Variants in CDKAL1 observed in about 807,000 individuals in gnomAD.
The protein encoded by CDKAL1 is threonylcarbamoyladenosine tRNA methylthiotransferase.
A neutral mutation model predicts 68.2 loss-of-function variants in CDKAL1; 32 were observed. That is an observed-to-expected ratio of 0.47 (90% CI 0.35 to 0.63). The LOEUF (loss-of-function observed/expected upper bound fraction) is 0.63, where lower values mean the gene tolerates loss of function less well. Ranked by LOEUF, CDKAL1 falls within the 30% of genes least tolerant of loss-of-function variation. The pLI is 0.00. For missense variants in CDKAL1, 606 were observed against 696.7 expected (o/e 0.87, Z 1.47); for synonymous variants, 234 against 244.3 (o/e 0.96, Z 0.39).
intron 9 of CDKAL1, among the ~76,000 whole-genome samples, chr6:20,911,336 C>T (rs1035191049): frequency 6.6e-6 from 1 of 152,200 alleles, no homozygotes; most frequent in African/African-American, 2.4e-5. Context: ...TACTTCTAGA[C>T]AAGAAAGATG....
At chr6:21,098,122 C>T (rs959832796) in intron 12 of CDKAL1, among the ~76,000 whole-genome samples, 17 of 152,106 alleles carry the variant, frequency 1.1e-4, no homozygotes, top group African/African-American at 3.9e-4. Context: ...GTAAATGTGT[C>T]GAATGAATAT....
chr6:20,660,317 G>T (rs1414505099), intron 5 of CDKAL1, among the ~76,000 whole-genome samples: 1 of 151,974 alleles, frequency 6.6e-6, no homozygotes, highest in Non-Finnish European at 1.5e-5. Flanking sequence ...AGCCTTTGAC[G>T]CTCTGACTCT....
intron 4 of CDKAL1, among the ~76,000 whole-genome samples, chr6:20,557,056 AAT>A (rs1764080685): frequency 1.5e-5 from 2 of 133,912 alleles, no homozygotes; most frequent in Admixed American, 7.7e-5. Context: ...AAAAAAAATA[AAT>A]AAATAAATAA....
chr6:20,708,666 A>G (rs567267718), intron 5 of CDKAL1, among the ~76,000 whole-genome samples: 15 of 152,308 alleles, frequency 9.8e-5, no homozygotes, highest in African/African-American at 3.6e-4. Flanking sequence ...TGATTCTAAT[A>G]TGACAGAATT....
At chr6:21,009,366 T>A (rs1767894856) in intron 11 of CDKAL1, among the ~76,000 whole-genome samples, 1 of 152,218 alleles carries the variant, frequency 6.6e-6, no homozygotes, top group Non-Finnish European at 1.5e-5. Context: ...CTCCTGGACA[T>A]TTAATACAAC....
chr6:20,875,453 GA>G (rs1483164755), intron 9 of CDKAL1, among the ~76,000 whole-genome samples: 17 of 150,950 alleles, frequency 1.1e-4, no homozygotes, highest in Non-Finnish European at 2.1e-4. Context: ...ATTGATAAAA[GA>G]AAAAAAATAG....
chr6:20,911,420 G>C (rs761401189), intron 9 of CDKAL1, among the ~76,000 whole-genome samples: 13 of 152,170 alleles, frequency 8.5e-5, no homozygotes, highest in African/African-American at 3.1e-4. Flanking sequence ...TTGTCTTCTT[G>C]TTGCTCTAGA....
intron 5 of CDKAL1, among the ~76,000 whole-genome samples, chr6:20,703,405 A>G (rs765556865): frequency 1.3e-5 from 2 of 152,140 alleles, no homozygotes; most frequent in Non-Finnish European, 2.9e-5. Context: ...TACATAAACA[A>G]TTTTGCTGAC....
At chr6:20,986,963 A>T (rs190724936) in intron 10 of CDKAL1, among the ~76,000 whole-genome samples, 5 of 152,334 alleles carry the variant, frequency 3.3e-5, no homozygotes, top group Admixed American at 3.3e-4. Flanking sequence ...ACAGCCATTA[A>T]GACAGCACAG....
chr6:20,862,825 G>A (rs1581720488), intron 9 of CDKAL1, among the ~76,000 whole-genome samples: 1 of 152,108 alleles, frequency 6.6e-6, no homozygotes, highest in African/African-American at 2.4e-5. Context: ...CCAGGAGTTC[G>A]AGACCAGCCT....
At chr6:20,703,611 G>A (rs1222138895) in intron 5 of CDKAL1, among the ~76,000 whole-genome samples, 1 of 152,072 alleles carries the variant, frequency 6.6e-6, no homozygotes, top group Admixed American at 6.5e-5. Context: ...ATGTTATGAT[G>A]TCTTAGGGTA....
chr6:21,064,420 G>T (rs1405758709), intron 11 of CDKAL1, among the ~76,000 whole-genome samples: 1 of 152,142 alleles, frequency 6.6e-6, no homozygotes. Context: ...AAGGGGACTG[G>T]TACATTATAC....
At chr6:20,748,778 A>G (rs1773785036) in intron 6 of CDKAL1, among the ~76,000 whole-genome samples, 1 of 151,502 alleles carries the variant, frequency 6.6e-6, no homozygotes, top group African/African-American at 2.4e-5. Flanking sequence ...GGTGTTGGGA[A>G]TGAAACTGGA....
Position 21,020,953 on chromosome 6 carries a change from G to A in CDKAL1, c.1055+20581G>A, listed in dbSNP as rs1768630052. Among the ~76,000 whole-genome samples the A allele has an allele frequency of 4.6e-5, 7 of 152,036 alleles. No individual in the cohort carries two copies. In the South Asian group the frequency reaches 1.5e-3, roughly 32 times the overall value. ...TTATGTAAGTAAGAATGAAGAGCCA[G>A]AGAAAGAATGCTAAAGCAAGTATCT... On this transcript the variant is annotated intron_variant, in intron 11 of 15. Transcript: ENST00000274695.
intron 13 of CDKAL1, among the ~76,000 whole-genome samples, chr6:21,175,260 C>T (rs751164292): frequency 1.6e-4 from 24 of 152,162 alleles, no homozygotes; most frequent in Admixed American, 5.2e-4. Flanking sequence ...TTTATTTTGA[C>T]GTTATTTTGG....
At chr6:20,774,384 G>A (rs936535278) in intron 7 of CDKAL1, among the ~76,000 whole-genome samples, 1 of 152,168 alleles carries the variant, frequency 6.6e-6, no homozygotes, top group African/African-American at 2.4e-5. Flanking sequence ...TTTGTAGCTA[G>A]TTATGTTTCT....
At chr6:20,588,760 C>A (rs77722304) in intron 4 of CDKAL1, among the ~76,000 whole-genome samples, 1 of 152,088 alleles carries the variant, frequency 6.6e-6, no homozygotes, top group African/African-American at 2.4e-5. Context: ...TAGAGACCTC[C>A]TTTTAAAATA....
At chr6:21,070,172 C>T (rs1289307025) in intron 12 of CDKAL1, among the ~76,000 whole-genome samples, 1 of 152,070 alleles carries the variant, frequency 6.6e-6, no homozygotes, top group Non-Finnish European at 1.5e-5. Flanking sequence ...ACTTGCTGAT[C>T]GTTTGGTTCC....
intron 9 of CDKAL1, among the ~76,000 whole-genome samples, chr6:20,946,788 G>A (rs1400257805): frequency 3.3e-5 from 5 of 151,760 alleles, no homozygotes; most frequent in Non-Finnish European, 7.4e-5. Flanking sequence ...TAGAGACGGG[G>A]GTTTCTCCAT....
Sources: allele counts gnomAD v4.1 joint callset (sites outside exome capture counted in the v4.1 genomes callset), GRCh38; gene constraint gnomAD v4.1.1; transcripts MANE v1.5; gene names NCBI Gene and HGNC (gene_info 2026-07-23, HGNC 2026-07-21).